Variants in ANKRD28 observed in about 807,000 individuals in gnomAD.
ANKRD28 encodes the protein ankyrin repeat domain 28.
A neutral mutation model predicts 126.5 loss-of-function variants in ANKRD28; 44 were observed. The observed-to-expected ratio is 0.35, with a 90% CI of 0.27 to 0.45. The LOEUF (loss-of-function observed/expected upper bound fraction) is 0.45. ANKRD28 is among the 20% of genes least tolerant of loss of function. The pLI, the probability that ANKRD28 is intolerant of heterozygous loss-of-function variation, is 1.00. For missense variants in ANKRD28, 1,110 were observed against 1,316.6 expected (o/e 0.84, Z 2.43); for synonymous variants, 442 against 468.5 (o/e 0.94, Z 0.73).
chr3:15,848,062 T>A (rs960626507), intron 1 of ANKRD28, among the ~76,000 whole-genome samples: 1 of 152,222 alleles, frequency 6.6e-6, no homozygotes, highest in Non-Finnish European at 1.5e-5. Flanking sequence ...GAGTCTGGTA[T>A]AGCACTTGAT....
chr3:15,706,760 T>C (rs192606153), intron 14 of ANKRD28, among the ~76,000 whole-genome samples: 1 of 152,346 alleles, frequency 6.6e-6, no homozygotes, highest in East Asian at 1.9e-4. Flanking sequence ...TGTTGTTTCC[T>C]GACTTTTTAA....
At chr3:15,762,820 T>C (rs1222606492) in intron 3 of ANKRD28, among the ~76,000 whole-genome samples, 3 of 152,234 alleles carry the variant, frequency 2.0e-5, no homozygotes, top group African/African-American at 7.2e-5. Flanking sequence ...TCTAGGTATC[T>C]TAATGACATA....
In ANKRD28 at chr3:15,843,855, C is replaced by A. The variant is rs543628130; in HGVS notation, c.27+15522G>T. On this transcript the variant is annotated intron_variant, in intron 1 of 27. Transcript: ENST00000399451. The surrounding 1 kb of genome is among the most constrained non-coding windows in gnomAD (Gnocchi z 5.2). ...AGGGTATCAATACGAAAGCAATGGG[C>A]AAGTTGCAAGAGGCAGAAGATGGAG... is the stretch of plus-strand genomic sequence containing the variant. 7.9e-5 allele frequency among the ~76,000 whole-genome samples: 12 copies of A among 151,708 alleles called. No individual in the cohort carries two copies. The highest frequency in any genetic ancestry group is 2.9e-4 in the African/African-American group (12 of 41,366).
chr3:15,708,100 C>A lies in ANKRD28; in HGVS notation c.1407-36G>T, dbSNP rs776435463. The A allele has an allele frequency of 5.1e-6, 8 of 1,569,776 alleles. No individual in the cohort carries two copies. In the Middle Eastern group the frequency reaches 1.3e-3, roughly 263 times the overall value. ...CAAGTTAATACAAGAAAGATAAAAG[C>A]CAGAGACATAACTAGTAAACAAAAG... is the stretch of plus-strand genomic sequence containing the variant. On this transcript the variant is annotated intron_variant, in intron 13 of 27. Transcript: ENST00000683139.
At chr3:15,784,584 G>A (rs1375486698) in intron 2 of ANKRD28, among the ~76,000 whole-genome samples, 1 of 102,428 alleles carries the variant, frequency 9.8e-6, no homozygotes, top group Admixed American at 1.0e-4. Flanking sequence ...ACCACAGAAG[G>A]CAGAAGAAGA....
rs77358350 is a variant in ANKRD28 at position 15,694,146 on chromosome 3, T to A, written c.1761+593A>T. Among the ~76,000 whole-genome samples, 644 of 152,208 alleles carry A rather than the reference T, an allele frequency of 4.2e-3. 4 individuals carry two copies. Among genetic ancestry groups the A allele is most frequent in the East Asian group, 0.019 (98 of 5,188 alleles). ...AGGATCTACTTGAAATTTAAGGTAA[T>A]AAATTCTCATTTGACTTAAAAAATT... On this transcript the variant is annotated intron_variant, in intron 17 of 27. Transcript: ENST00000683139.
intron 27 of ANKRD28, among the ~76,000 whole-genome samples, chr3:15,671,575 A>G (rs1412774057): frequency 6.8e-6 from 1 of 148,018 alleles, no homozygotes; most frequent in Non-Finnish European, 1.5e-5. Context: ...CATAAACACT[A>G]TAGTTTTTTT....
chr3:15,810,391 T>C (rs2060687378), intron 1 of ANKRD28, among the ~76,000 whole-genome samples: 1 of 152,022 alleles, frequency 6.6e-6, no homozygotes, highest in Non-Finnish European at 1.5e-5. Context: ...CCTATAAAAA[T>C]TTACATATCA....
At chr3:15,740,993 G>A (rs954393569) in intron 4 of ANKRD28, among the ~76,000 whole-genome samples, 2 of 152,262 alleles carry the variant, frequency 1.3e-5, no homozygotes, top group East Asian at 1.9e-4. Context: ...GAGGTCAGGA[G>A]ATCAAGACCA....
At chr3:15,769,521 A>G (rs1179130317) in intron 2 of ANKRD28, among the ~76,000 whole-genome samples, 1 of 152,230 alleles carries the variant, frequency 6.6e-6, no homozygotes, top group Non-Finnish European at 1.5e-5. Flanking sequence ...GCAAAATGCT[A>G]GTAACAACTT....
intron 2 of ANKRD28, among the ~76,000 whole-genome samples, chr3:15,787,395 T>C (rs2059827649): frequency 6.6e-6 from 1 of 152,130 alleles, no homozygotes; most frequent in African/African-American, 2.4e-5. Flanking sequence ...TTTACAAATT[T>C]GAAACTGGAA....
At chr3:15,850,258 G>GAGAGAGAGAGAGAGA (rs1384999941) in intron 1 of ANKRD28, among the ~76,000 whole-genome samples, 2 of 126,868 alleles carry the variant, frequency 1.6e-5, no homozygotes, top group East Asian at 3.2e-4. Context: ...GAGAGAGAGA[G>GAGAGAGAGAGAGAGA]AGAGAAAGTT....
intron 4 of ANKRD28, among the ~76,000 whole-genome samples, chr3:15,746,548 C>A (rs950490993): frequency 1.3e-5 from 2 of 152,128 alleles, no homozygotes; most frequent in Non-Finnish European, 2.9e-5. Flanking sequence ...CATCCATGCA[C>A]CCCTGGTATG....
intron 21 of ANKRD28, chr3:15,684,125 T>C (rs2067839980): frequency 6.6e-6 from 1 of 152,238 alleles, no homozygotes; most frequent in African/African-American, 2.4e-5. Context: ...GCTTGAACTT[T>C]GACAACACTG....
chr3:15,712,319 C>G (rs2072417907), intron 10 of ANKRD28, 97 bp from the exon 11 acceptor site: 3 of 976,488 alleles, frequency 3.1e-6, no homozygotes, highest in Non-Finnish European at 4.7e-6. Flanking sequence ...TGAAAGATAA[C>G]TAAGAGCCAA....
At chr3:15,704,399 C>T (rs1372354596) in intron 14 of ANKRD28, among the ~76,000 whole-genome samples, 1 of 151,998 alleles carries the variant, frequency 6.6e-6, no homozygotes, top group Non-Finnish European at 1.5e-5. Flanking sequence ...TGGTCCTAAA[C>T]AAAAGAAAAC....
chr3:15,692,144 TAAA>T (rs908039642), intron 17 of ANKRD28, among the ~76,000 whole-genome samples: 1 of 98,900 alleles, frequency 1.0e-5, no homozygotes, highest in African/African-American at 4.6e-5. Flanking sequence ...TATCTCTAAA[TAAA>T]AAAAAAAAAA....
At chr3:15,807,537 AT>A (rs1244192079) in intron 1 of ANKRD28, among the ~76,000 whole-genome samples, 2 of 152,204 alleles carry the variant, frequency 1.3e-5, no homozygotes, top group African/African-American at 4.8e-5. Context: ...ACCTGTTAAA[AT>A]GAGAGTTTTA....
At chr3:15,796,345 A>C in intron 1 of ANKRD28, 60 bp downstream of exon 1, 1 of 1,009,970 alleles carries the variant, frequency 9.9e-7, no homozygotes. Context: ...TTCTTAAAAA[A>C]CAAGATTTAT....
Sources: gnomAD v4.1 joint callset for allele counts (sites outside exome capture counted in the v4.1 genomes callset) on GRCh38, gnomAD v4.1.1 for gene constraint, Gnocchi (gnomAD v3.1) non-coding constraint, MANE v1.5 for transcripts, NCBI Gene and HGNC (gene_info 2026-07-23, HGNC 2026-07-21) for gene names.